The following FAM117B variants were observed in gnomAD, a reference collection of about 807,000 sequenced individuals.
FAM117B encodes protein FAM117B.
Under a neutral mutation model 52.8 loss-of-function variants are expected in FAM117B, and 22 were observed. That is an observed-to-expected ratio of 0.42 (90% CI 0.30 to 0.59). The LOEUF is 0.59. Among genes scored for constraint, FAM117B ranks in the 20% least tolerant of loss-of-function variants. The probability of loss-of-function intolerance (pLI) is 0.22; values close to 1 mark genes in which losing one functional copy is unlikely to be tolerated. For missense variants in FAM117B, 678 were observed against 802.6 expected, an observed-to-expected ratio of 0.84 and a Z score of 1.88; for synonymous variants, 309 against 324.1, an observed-to-expected ratio of 0.95 and a Z score of 0.50.
intron 1 of FAM117B, among the ~76,000 whole-genome samples, chr2:202,673,590 G>A (rs759966248): frequency 4.0e-5 from 6 of 151,550 alleles, no homozygotes; most frequent in Non-Finnish European, 8.8e-5. Flanking sequence ...TGGAATTACA[G>A]TTGCCTACCA....
chr2:202,706,342 A>G (rs1455285692), intron 2 of FAM117B, among the ~76,000 whole-genome samples: 1 of 152,110 alleles, frequency 6.6e-6, no homozygotes, highest in African/African-American at 2.4e-5. Context: ...ATATTTTATG[A>G]AAGTGTTTGT....
At chr2:202,736,334 G>T (rs1024518390) in intron 4 of FAM117B, among the ~76,000 whole-genome samples, 5 of 152,204 alleles carry the variant, frequency 3.3e-5, no homozygotes, top group Non-Finnish European at 5.9e-5. Context: ...GACAGTGATT[G>T]CTGGAGGACA....
chr2:202,672,455 C>A (rs1254622980), intron 1 of FAM117B, among the ~76,000 whole-genome samples: 1 of 152,174 alleles, frequency 6.6e-6, no homozygotes, highest in Non-Finnish European at 1.5e-5. Context: ...CTCAAGTGAT[C>A]CACCCGCCTT....
At chr2:202,652,584 G>A (rs1223133151) in intron 1 of FAM117B, among the ~76,000 whole-genome samples, 1 of 152,144 alleles carries the variant, frequency 6.6e-6, no homozygotes, top group East Asian at 1.9e-4. Context: ...CATGACAAAA[G>A]CCTGATATGG....
At chr2:202,653,939 G>A (rs191627695) in intron 1 of FAM117B, among the ~76,000 whole-genome samples, 28 of 152,002 alleles carry the variant, frequency 1.8e-4, no homozygotes, top group African/African-American at 6.0e-4. Context: ...GCATTTGTCC[G>A]TACTATTCAA....
chr2:202,744,976 CAAAAAAAA>C (rs58898446), intron 4 of FAM117B, among the ~76,000 whole-genome samples: 2 of 59,298 alleles, frequency 3.4e-5, no homozygotes, highest in African/African-American at 1.5e-4. Context: ...GACTCTGTCT[CAAAAAAAA>C]AAAAAAAAAA....
intron 5 of FAM117B, among the ~76,000 whole-genome samples, 181 bp downstream of exon 5, chr2:202,755,862 T>G (rs566626499): frequency 1.2e-4 from 18 of 152,356 alleles, no homozygotes; most frequent in African/African-American, 4.3e-4. Flanking sequence ...TTGCATGTCA[T>G]AGAGGCAACT....
rs542318438 is a variant in FAM117B at position 202,719,182 on chromosome 2, A to C, written c.754-5735A>C. 5.3e-5 allele frequency among the ~76,000 whole-genome samples: 8 copies of C among 152,370 alleles called. No homozygotes were observed. The East Asian group carries it at 1.5e-3, about 29-fold the overall frequency. The stretch of plus-strand genomic sequence containing the variant: ...GTCTTTTACATTAGGCATATAAGTA[A>C]AACTGATGTTTTTGCTAGGTATTTT... On this transcript the variant is annotated intron_variant, in intron 2 of 7. Coordinates refer to ENST00000392238, the MANE Select transcript of FAM117B (RefSeq NM_173511.4).
At chr2:202,727,683 C>T (rs1691267837) in intron 4 of FAM117B, among the ~76,000 whole-genome samples, 1 of 152,058 alleles carries the variant, frequency 6.6e-6, no homozygotes, top group Non-Finnish European at 1.5e-5. Context: ...ATATAAGGGA[C>T]TTGAGTATCT....
At chr2:202,696,627 T>C (rs1690716289) in intron 2 of FAM117B, among the ~76,000 whole-genome samples, 1 of 152,184 alleles carries the variant, frequency 6.6e-6, no homozygotes, top group Non-Finnish European at 1.5e-5. Context: ...TACGTTTTTG[T>C]GCCAAAAAAA....
At chr2:202,703,043 T>C (rs1006917493) in intron 2 of FAM117B, among the ~76,000 whole-genome samples, 1 of 152,194 alleles carries the variant, frequency 6.6e-6, no homozygotes, top group Admixed American at 6.5e-5. Flanking sequence ...GAACTCCCAA[T>C]ATCTCTTGAG....
At chr2:202,674,308 A>G (rs1331153024) in intron 1 of FAM117B, among the ~76,000 whole-genome samples, 2 of 152,230 alleles carry the variant, frequency 1.3e-5, no homozygotes, top group African/African-American at 4.8e-5. Flanking sequence ...TGGAACACAT[A>G]ATAACGCTAG....
intron 1 of FAM117B, among the ~76,000 whole-genome samples, chr2:202,684,961 A>G (rs937753277): frequency 2.6e-5 from 4 of 152,146 alleles, no homozygotes; most frequent in African/African-American, 9.7e-5. Context: ...AGAGAAAAGA[A>G]GGTAAACCAC....
intron 2 of FAM117B, among the ~76,000 whole-genome samples, chr2:202,709,945 G>A (rs1276544795): frequency 6.6e-6 from 1 of 152,136 alleles, no homozygotes; most frequent in Non-Finnish European, 1.5e-5. Flanking sequence ...GTGTTAATGT[G>A]TGGATTTATT....
At chr2:202,761,042 G>A (rs1284498026) in intron 7 of FAM117B, among the ~76,000 whole-genome samples, 1 of 152,160 alleles carries the variant, frequency 6.6e-6, no homozygotes, top group Non-Finnish European at 1.5e-5. Flanking sequence ...CCAGTTAGCT[G>A]AGACCACAGG....
chr2:202,679,533 G>C (rs1690431484), intron 1 of FAM117B, among the ~76,000 whole-genome samples: 1 of 152,228 alleles, frequency 6.6e-6, no homozygotes, highest in African/African-American at 2.4e-5. Flanking sequence ...TCTATGTTAA[G>C]TAATTCCCAG....
At chr2:202,762,135 T>C (rs1222461743) in intron 7 of FAM117B, among the ~76,000 whole-genome samples, 1 of 152,226 alleles carries the variant, frequency 6.6e-6, no homozygotes, top group Non-Finnish European at 1.5e-5. Context: ...CAAGGGTAGA[T>C]TGTTGGTCCC....
In FAM117B at chr2:202,740,173, CCAAAAAAAAAAAA is replaced by C. The variant is rs1215664888; in HGVS notation, c.960+13811_960+13823del. On this transcript the variant is annotated intron_variant, in intron 4 of 7. Coordinates refer to ENST00000392238, the MANE Select transcript of FAM117B (RefSeq NM_173511.4). ...GGAGGACAGAGCGAGACTTCATCCC[CCAAAAAAAAAAAA>C]AAAAAAAAAAAAAAAATCCCCAAAT... Among the ~76,000 whole-genome samples the C allele has an allele frequency of 3.6e-4, 25 of 69,688 alleles. 1 individual carries two copies. The highest frequency in any genetic ancestry group is 2.9e-3 in the South Asian group (5 of 1,740). The allele number at this position is 69,688 out of a possible 152,430, so 45.7% of individuals were successfully genotyped here.
chr2:202,730,850 C>T (rs1355711840), intron 4 of FAM117B, among the ~76,000 whole-genome samples: 1 of 152,150 alleles, frequency 6.6e-6, no homozygotes, highest in East Asian at 1.9e-4. Flanking sequence ...GCAATGGCTT[C>T]TTAGAAATGA....
Sources: gnomAD v4.1 joint callset for allele counts (sites outside exome capture counted in the v4.1 genomes callset) on GRCh38, gnomAD v4.1.1 for gene constraint, MANE v1.5 for transcripts, NCBI Gene and HGNC (gene_info 2026-07-23, HGNC 2026-07-21) for gene names.